Variants in HS3ST1 observed in about 807,000 individuals in gnomAD.
The protein encoded by HS3ST1 is heparan sulfate glucosamine 3-O-sulfotransferase 1.
A neutral mutation model predicts 20.7 loss-of-function variants in HS3ST1; 8 were observed. The ratio of observed to expected loss-of-function variants is 0.39; its 90% CI spans 0.23 to 0.70. The LOEUF (loss-of-function observed/expected upper bound fraction) is 0.70, where lower values mean the gene tolerates loss of function less well. Ranked by LOEUF, HS3ST1 falls within the 30% of genes least tolerant of loss-of-function variation. The pLI, the probability that HS3ST1 is intolerant of heterozygous loss-of-function variation, is 0.46. For synonymous variants in HS3ST1, 205 were observed against 190.4 expected (o/e 1.08, Z -0.63); for missense variants, 436 against 423.4 (o/e 1.03, Z -0.26).
chr4:11,407,813 G>C (rs1187895197), intron 1 of HS3ST1, among the ~76,000 whole-genome samples: 2 of 152,246 alleles, frequency 1.3e-5, no homozygotes, highest in African/African-American at 4.8e-5. Context: ...CAAGAGGCCT[G>C]AGCAGAGGCC....
At chr4:11,410,849 A>G (rs1018034994) in intron 1 of HS3ST1, among the ~76,000 whole-genome samples, 7 of 152,076 alleles carry the variant, frequency 4.6e-5, no homozygotes, top group Admixed American at 2.0e-4. Context: ...CCAAGATCAC[A>G]CCATGGCACT....
chr4:11,402,103 T>G (rs9992896), intron 1 of HS3ST1, among the ~76,000 whole-genome samples: 1 of 152,214 alleles, frequency 6.6e-6, no homozygotes, highest in African/African-American at 2.4e-5. Flanking sequence ...ATTTACTTCA[T>G]TAGTTTAAAA....
intron 1 of HS3ST1, among the ~76,000 whole-genome samples, chr4:11,416,367 T>A (rs557171521): frequency 4.0e-4 from 61 of 152,264 alleles, no homozygotes; most frequent in African/African-American, 1.3e-3. Flanking sequence ...TGAAGGGGCA[T>A]GAAGGGGCAT....
chr4:11,429,359 C>T (rs1246734197), upstream of HS3ST1: 2 of 152,486 alleles, frequency 1.3e-5, no homozygotes, highest in Non-Finnish European at 2.9e-5. Flanking sequence ...GCACTTGTAC[C>T]CGGGACCTGT....
intron 1 of HS3ST1, among the ~76,000 whole-genome samples, chr4:11,424,048 A>G (rs1389858294): frequency 1.3e-5 from 2 of 151,662 alleles, no homozygotes; most frequent in Admixed American, 1.3e-4. Context: ...AAAAAAAAAA[A>G]AAAAAAAAAA....
At chr4:11,431,046 T>C (rs1466427157), upstream of HS3ST1, among the ~76,000 whole-genome samples, 2 of 152,164 alleles carry the variant, frequency 1.3e-5, no homozygotes, top group Non-Finnish European at 2.9e-5. Flanking sequence ...GCTCATGTAG[T>C]GCCAGAGCTT....
intron 1 of HS3ST1, among the ~76,000 whole-genome samples, chr4:11,409,394 G>A (rs1577440712): frequency 6.6e-6 from 1 of 152,090 alleles, no homozygotes; most frequent in East Asian, 1.9e-4. Flanking sequence ...GGTATTTGGA[G>A]GTGGGGGCTT....
rs1311972408 is a variant in HS3ST1 at position 11,399,438 on chromosome 4, C to A, written c.568G>T (p.Ala190Ser). ...ACGTGGTAGAGGCTGCGGTTGAGGG[C>A]CTTGTAGTCCACATTGAGCCTGCCA... ...RDGRLNVDYK[A>S]LNRSLYHVHM... Residue 190 changes from alanine to serine, a missense_variant, in exon 2 of 2, where the codon GCC becomes TCC. Coordinates refer to ENST00000002596, the MANE Select transcript of HS3ST1 (RefSeq NM_005114.4). The surrounding 1 kb of genome is among the most constrained non-coding windows in gnomAD (Gnocchi z 5.1). The A allele has an allele frequency of 6.2e-7, 1 of 1,613,976 alleles. No individual in the cohort carries two copies. Among genetic ancestry groups the A allele is most frequent in the Non-Finnish European group, 8.5e-7 (1 of 1,179,982 alleles).
chr4:11,411,693 G>A (rs755426569), intron 1 of HS3ST1, among the ~76,000 whole-genome samples: 6 of 152,178 alleles, frequency 3.9e-5, no homozygotes, highest in Non-Finnish European at 7.3e-5. Context: ...TAATCCATCA[G>A]TGGCCTGGTC....
intron 1 of HS3ST1, among the ~76,000 whole-genome samples, chr4:11,427,849 G>T (rs1358755237): frequency 6.6e-6 from 1 of 152,200 alleles, no homozygotes; most frequent in Non-Finnish European, 1.5e-5. Context: ...CTACGTTCTG[G>T]GTCTGTCCTC....
At chr4:11,428,956 C>G (rs1302055268), upstream of HS3ST1, 1 of 153,030 alleles carries the variant, frequency 6.5e-6, no homozygotes, top group Non-Finnish European at 1.5e-5. Flanking sequence ...GGAGGAGGAG[C>G]GGGAGCAAAA....
Position 11,399,387 on chromosome 4 carries a change from A to G in HS3ST1, c.619T>C (p.Phe207Leu), listed in dbSNP as rs1284218288. ...ACAATGTGGATGTGGCGCAGCGGGAAAAAGCGCAGCCAGTTCTGCATGTGC... is the reference window on the plus strand; with the variant it reads ...ACAATGTGGATGTGGCGCAGCGGGAGAAAGCGCAGCCAGTTCTGCATGTGC... ...HVHMQNWLRF[F>L]PLRHIHIVDG... is the part of the protein sequence containing the mutation. The change falls in exon 2 of 2, where the codon TTC becomes CTC. Residue 207 changes from phenylalanine to leucine, a missense_variant. By Grantham distance (22) the Phe-to-Leu change is conservative (BLOSUM62 0). Transcript: ENST00000002596. This position sits in a 1 kb window ranked among gnomAD's most constrained non-coding sequence, Gnocchi z 5.1. 1 of 1,614,026 alleles carries G rather than the reference A, an allele frequency of 6.2e-7. No homozygotes were observed.
At chr4:11,414,649 G>A (rs953583419) in intron 1 of HS3ST1, among the ~76,000 whole-genome samples, 4 of 152,196 alleles carry the variant, frequency 2.6e-5, no homozygotes, top group Non-Finnish European at 4.4e-5. Context: ...CAACAGATTC[G>A]TTAGTGTCCA....
At chr4:11,404,962 A>G (rs546020463) in intron 1 of HS3ST1, among the ~76,000 whole-genome samples, 10 of 152,372 alleles carry the variant, frequency 6.6e-5, no homozygotes, top group African/African-American at 2.4e-4. Context: ...AGAAAGTTAG[A>G]GGAGGTGAAA....
intron 1 of HS3ST1, among the ~76,000 whole-genome samples, chr4:11,402,617 G>C (rs1341008750): frequency 6.6e-6 from 1 of 152,200 alleles, no homozygotes; most frequent in East Asian, 1.9e-4. Context: ...GGTAGGTCAA[G>C]TGAGAGAGGG....
intron 1 of HS3ST1, among the ~76,000 whole-genome samples, chr4:11,427,413 G>C (rs369944694): frequency 2.6e-5 from 4 of 152,208 alleles, no homozygotes; most frequent in African/African-American, 9.6e-5. Flanking sequence ...TTCCGTTCTC[G>C]GCCACCCTCC....
Position 11,400,090 on chromosome 4 carries a change from A to G in HS3ST1, c.-85T>C. The G allele has an allele frequency of 2.1e-6, 3 of 1,429,570 alleles. No individual in the cohort carries two copies. Among genetic ancestry groups the G allele is most frequent in the South Asian group, 3.0e-5 (2 of 66,782 alleles). 88.6% of individuals were successfully genotyped at this position (1,429,570 alleles called of 1,614,324 possible). A position where few individuals can be genotyped will look rare whatever the true frequency, so the allele number is the denominator to read the frequency against. ...AGGGAAGCCTCCTAGTCAGTGGCACATGGGCGTTTCAGGCCTTCAATTACT... is the reference window on the plus strand; with the variant it reads ...AGGGAAGCCTCCTAGTCAGTGGCACGTGGGCGTTTCAGGCCTTCAATTACT... On this transcript the variant is annotated 5_prime_UTR_variant, in exon 2 of 2. An upstream start codon of the reference 5' UTR is lost. Transcript: ENST00000002596.
intron 1 of HS3ST1, among the ~76,000 whole-genome samples, chr4:11,415,633 G>GA (rs1718756463): frequency 6.6e-6 from 1 of 152,174 alleles, no homozygotes; most frequent in African/African-American, 2.4e-5. Context: ...AGTGAAAGCA[G>GA]AAAAATGCTG....
At chr4:11,419,915 C>A (rs1718884957) in intron 1 of HS3ST1, among the ~76,000 whole-genome samples, 1 of 152,182 alleles carries the variant, frequency 6.6e-6, no homozygotes, top group African/African-American at 2.4e-5. Flanking sequence ...GAAATAAAAT[C>A]TGTGCTATAA....
Sources: allele counts gnomAD v4.1 joint callset (sites outside exome capture counted in the v4.1 genomes callset), GRCh38; gene constraint gnomAD v4.1.1; non-coding constraint Gnocchi (gnomAD v3.1); transcripts MANE v1.5; gene names NCBI Gene and HGNC (gene_info 2026-07-23, HGNC 2026-07-21).